The following MGAT5 variants were observed in gnomAD, a reference collection of about 807,000 sequenced individuals.
The protein encoded by MGAT5 is alpha-1,6-mannosylglycoprotein 6-beta-N-acetylglucosaminyltransferase.
Under a neutral mutation model 94.3 loss-of-function variants are expected in MGAT5, and 30 were observed. That is an observed-to-expected ratio of 0.32 (90% CI 0.24 to 0.43). MGAT5 has a LOEUF of 0.43. MGAT5 is among the 20% of genes least tolerant of loss of function. The pLI is 1.00. For synonymous variants in MGAT5, 310 were observed against 322.9 expected (o/e 0.96, Z 0.43); for missense variants, 691 against 905.5 (o/e 0.76, Z 3.04).
At chr2:134,399,012 A>G (rs1182088944) in intron 10 of MGAT5, among the ~76,000 whole-genome samples, 1 of 152,232 alleles carries the variant, frequency 6.6e-6, no homozygotes, top group African/African-American at 2.4e-5. Context: ...AAGGGTGACT[A>G]TAGTTACCAA....
At chr2:134,395,358 A>C (rs1223898930) in intron 10 of MGAT5, among the ~76,000 whole-genome samples, 1 of 152,208 alleles carries the variant, frequency 6.6e-6, no homozygotes, top group East Asian at 1.9e-4. Context: ...AAGGCAGAGA[A>C]AATCCTGAAA....
At chr2:134,162,890 G>A (rs949403380) in intron 1 of MGAT5, among the ~76,000 whole-genome samples, 1 of 152,210 alleles carries the variant, frequency 6.6e-6, no homozygotes, top group African/African-American at 2.4e-5. Context: ...TGCAAACTGT[G>A]TATTGAAGTG....
chr2:134,287,242 T>A (rs1256234903), intron 2 of MGAT5, among the ~76,000 whole-genome samples: 2 of 152,178 alleles, frequency 1.3e-5, no homozygotes, highest in Non-Finnish European at 2.9e-5. Flanking sequence ...ATTCTTCTAT[T>A]TTAGTCTTCT....
At chr2:134,409,491 T>G (rs1683524669) in intron 11 of MGAT5, among the ~76,000 whole-genome samples, 2 of 152,196 alleles carry the variant, frequency 1.3e-5, no homozygotes, top group African/African-American at 4.8e-5. Flanking sequence ...AATTACCACA[T>G]TGTTCTGGGC....
chr2:134,298,867 A>G (rs895015873), intron 2 of MGAT5, among the ~76,000 whole-genome samples: 2 of 152,176 alleles, frequency 1.3e-5, no homozygotes, highest in Admixed American at 1.3e-4. Context: ...CCAGGCAGGA[A>G]GCATGAAAGC....
intron 1 of MGAT5, among the ~76,000 whole-genome samples, chr2:134,182,932 G>A (rs953238006): frequency 6.6e-5 from 10 of 151,358 alleles, no homozygotes; most frequent in South Asian, 4.2e-4. Flanking sequence ...GACTACAGGC[G>A]CCCACCATCA....
At chr2:134,141,126 A>G (rs1190552887) in intron 1 of MGAT5, among the ~76,000 whole-genome samples, 1 of 152,168 alleles carries the variant, frequency 6.6e-6, no homozygotes, top group Non-Finnish European at 1.5e-5. Context: ...GATAGAAAGG[A>G]TGTGTTCAGC....
chr2:134,281,937 G>A (rs976948759), intron 2 of MGAT5, among the ~76,000 whole-genome samples: 1 of 152,232 alleles, frequency 6.6e-6, no homozygotes, highest in Non-Finnish European at 1.5e-5. Context: ...GAGAAGATTA[G>A]TAGAAGCTGT....
chr2:134,208,048 T>C (rs1368637864), intron 1 of MGAT5, among the ~76,000 whole-genome samples: 1 of 152,204 alleles, frequency 6.6e-6, no homozygotes, highest in Non-Finnish European at 1.5e-5. Flanking sequence ...TTGCTATCAT[T>C]GTAGTGAGGC....
chr2:134,169,107 G>C (rs1688080031), intron 1 of MGAT5, among the ~76,000 whole-genome samples: 9 of 152,180 alleles, frequency 5.9e-5, no homozygotes, highest in Admixed American at 3.9e-4. Flanking sequence ...AATACTTTGG[G>C]GGAGGGCAAA....
At chr2:134,136,069 A>G (rs148339932) in intron 1 of MGAT5, among the ~76,000 whole-genome samples, 218 of 152,370 alleles carry the variant, frequency 1.4e-3, no homozygotes, top group African/African-American at 5.0e-3. Context: ...GACATAAGTC[A>G]CAGTAGTATT....
At chr2:134,180,809 A>G in intron 1 of MGAT5, among the ~76,000 whole-genome samples, 1 of 152,208 alleles carries the variant, frequency 6.6e-6, no homozygotes, top group East Asian at 1.9e-4. Flanking sequence ...TTTTTTCTGT[A>G]AAATGCCCAT....
At chr2:134,331,698 G>C (rs1048498177) in intron 4 of MGAT5, among the ~76,000 whole-genome samples, 4 of 151,754 alleles carry the variant, frequency 2.6e-5, no homozygotes, top group Admixed American at 2.0e-4. Flanking sequence ...CAGGGAGAGA[G>C]TACCAGGAGC....
intron 1 of MGAT5, among the ~76,000 whole-genome samples, chr2:134,181,004 C>G (rs1198306969): frequency 6.6e-6 from 1 of 152,178 alleles, no homozygotes; most frequent in Non-Finnish European, 1.5e-5. Flanking sequence ...TCTCTAGTTT[C>G]CTTTGTGTGT....
intron 14 of MGAT5, among the ~76,000 whole-genome samples, chr2:134,431,547 A>G (rs1410833656): frequency 6.6e-6 from 1 of 152,272 alleles, no homozygotes; most frequent in Non-Finnish European, 1.5e-5. Context: ...TTTTGCAGCT[A>G]GACGAATATC....
chr2:134,306,599 C>T (rs1480054835), intron 2 of MGAT5, among the ~76,000 whole-genome samples: 1 of 152,018 alleles, frequency 6.6e-6, no homozygotes, highest in South Asian at 2.1e-4. Flanking sequence ...CTTCTCATGG[C>T]TTTATCTTTT....
At chr2:134,234,723 A>G (rs1681544922) in intron 1 of MGAT5, among the ~76,000 whole-genome samples, 1 of 152,282 alleles carries the variant, frequency 6.6e-6, no homozygotes. Context: ...GCCAGTGCTC[A>G]GAATCCTTTG....
intron 10 of MGAT5, among the ~76,000 whole-genome samples, chr2:134,362,855 T>C (rs1333538172): frequency 6.6e-6 from 1 of 152,220 alleles, no homozygotes; most frequent in Non-Finnish European, 1.5e-5. Flanking sequence ...CTCTTGGCTA[T>C]AGTCACTACT....
intron 1 of MGAT5, among the ~76,000 whole-genome samples, chr2:134,130,175 G>T (rs1686064609): frequency 6.8e-6 from 1 of 145,996 alleles, no homozygotes; most frequent in African/African-American, 2.5e-5. Context: ...CAGGGCTGGG[G>T]ATCTGCAGCC....
Sources: gnomAD v4.1 joint callset for allele counts (sites outside exome capture counted in the v4.1 genomes callset) on GRCh38, gnomAD v4.1.1 for gene constraint, MANE v1.5 for transcripts, NCBI Gene and HGNC (gene_info 2026-07-23, HGNC 2026-07-21) for gene names.